Variants in SPACA6 observed in about 807,000 individuals in gnomAD.
SPACA6 encodes the protein sperm acrosome membrane-associated protein 6.
For synonymous variants in SPACA6, 6 were observed against 1.5 expected, an observed-to-expected ratio of 4.05 and a Z score of -2.21; for missense variants, 8 against 2.8, an observed-to-expected ratio of 2.88 and a Z score of -1.34.
In SPACA6 at chr19:51,703,389, C is replaced by T. The variant is rs2083485647; in HGVS notation, c.573+52C>T. ...GAGTTTAGACGGGCGAGTTAGCCTTCACTAGAGGTTGGGGAGTCAGCTTGC... is the reference window on the plus strand; with the variant it reads ...GAGTTTAGACGGGCGAGTTAGCCTTTACTAGAGGTTGGGGAGTCAGCTTGC... On this transcript the variant is annotated intron_variant, in intron 6 of 8. Coordinates refer to ENST00000637797, the MANE Select transcript of SPACA6 (RefSeq NM_001316972.2). This position sits in a 1 kb window ranked among gnomAD's most constrained non-coding sequence, Gnocchi z 4.2. 2 of 399,162 alleles carry T rather than the reference C, an allele frequency of 5.0e-6. No homozygotes were observed. Among genetic ancestry groups the T allele is most frequent in the East Asian group, 3.6e-5 (1 of 28,078 alleles). 24.7% of individuals were successfully genotyped at this position (399,162 alleles called of 1,614,324 possible). A position where few individuals can be genotyped will look rare whatever the true frequency, so the allele number is the denominator to read the frequency against.
At chr19:51,693,258 A>G, upstream of SPACA6, 1 of 708,462 alleles carries the variant, frequency 1.4e-6, no homozygotes, top group South Asian at 1.4e-5. Flanking sequence ...CCATGTTGCC[A>G]GTCTCTAGGT....
chr19:51,688,010 C>G (rs1468353387), upstream of SPACA6: 2 of 152,662 alleles, frequency 1.3e-5, no homozygotes, highest in Non-Finnish European at 2.9e-5. Flanking sequence ...AGCCTCCACC[C>G]GTCTCTCCCC....
chr19:51,702,183 C>T (rs2083473647), intron 3 of SPACA6, among the ~76,000 whole-genome samples: 1 of 152,108 alleles, frequency 6.6e-6, no homozygotes, highest in African/African-American at 2.4e-5. Flanking sequence ...TTGATCTGGC[C>T]CCGCCCCTTC....
downstream of SPACA6, among the ~76,000 whole-genome samples, chr19:51,705,863 A>G (rs973347178): frequency 6.6e-6 from 1 of 151,882 alleles, no homozygotes; most frequent in Non-Finnish European, 1.5e-5. Context: ...CACCCGGCTA[A>G]TTTTTGTATT....
downstream of SPACA6, among the ~76,000 whole-genome samples, chr19:51,708,449 G>C (rs1318066239): frequency 1.3e-5 from 2 of 152,206 alleles, no homozygotes; most frequent in Admixed American, 6.5e-5. Context: ...AGGATCTGTG[G>C]AGAAGCCCTC....
chr19:51,701,469 G>C (rs1217879593), intron 2 of SPACA6, among the ~76,000 whole-genome samples, 189 bp from the exon 3 acceptor site: 1 of 152,124 alleles, frequency 6.6e-6, no homozygotes, highest in East Asian at 1.9e-4. Flanking sequence ...CGGGTGATGA[G>C]AAGAGGAGCA....
chr19:51,707,454 C>G (rs1376135312), downstream of SPACA6, among the ~76,000 whole-genome samples: 2 of 152,002 alleles, frequency 1.3e-5, no homozygotes, highest in Non-Finnish European at 2.9e-5. Flanking sequence ...AACTCCTGAC[C>G]TCAAGTGATT....
Position 51,693,624 on chromosome 19 carries a change from C to G in SPACA6, c.98C>G (p.Thr33Ser). Residue 33 changes from threonine to serine, a missense_variant, in exon 1 of 9, where the codon ACC becomes AGC. Coordinates refer to ENST00000637797, the MANE Select transcript of SPACA6 (RefSeq NM_001316972.2). Reference sequence around the variant, plus strand: ...TGGGCCTGTCTCCTCTGCTTCACAACCTACTCTGAGCGCCTCCGCATCTGC... The same window carrying G: ...TGGGCCTGTCTCCTCTGCTTCACAAGCTACTCTGAGCGCCTCCGCATCTGC... ...PAWACLLCFTTYSERLRICQM... is the reference protein window; with the variant it reads ...PAWACLLCFTSYSERLRICQM... 1 of 426,262 alleles carries G rather than the reference C, an allele frequency of 2.3e-6. No individual in the cohort carries two copies. Among genetic ancestry groups the G allele is most frequent in the Non-Finnish European group, 4.2e-6 (1 of 238,358 alleles). The allele number at this position is 426,262 out of a possible 1,614,324, so 26.4% of individuals were successfully genotyped here.
At chr19:51,706,513 A>G (rs2083516429), downstream of SPACA6, among the ~76,000 whole-genome samples, 1 of 152,036 alleles carries the variant, frequency 6.6e-6, no homozygotes, top group Admixed American at 6.6e-5. Flanking sequence ...GCTGTGCTTC[A>G]TACTTGAAAT....
chr19:51,702,239 C>A (rs2083474095), intron 3 of SPACA6, among the ~76,000 whole-genome samples: 1 of 151,822 alleles, frequency 6.6e-6, no homozygotes, highest in Admixed American at 6.6e-5. Context: ...GGGACTACTA[C>A]TAACCTGGCC....
chr19:51,703,363 AGAGTTTAGACGGGC>A lies in SPACA6; in HGVS notation c.573+32_573+45del, dbSNP rs1002102567. ...GTGAGTCGGGGCGGGGCCGGCGCGA[AGAGTTTAGACGGGC>A]GAGTTAGCCTTCACTAGAGGTTGGG... On this transcript the variant is annotated intron_variant, in intron 6 of 8. Transcript: ENST00000637797. The surrounding 1 kb of genome is among the most constrained non-coding windows in gnomAD (Gnocchi z 4.2). The A allele has an allele frequency of 8.3e-5, 33 of 398,950 alleles. No homozygotes were observed. The highest frequency in any genetic ancestry group is 8.4e-5 in the Non-Finnish European group (19 of 226,004). The allele number at this position is 398,950 out of a possible 1,614,324, so 24.7% of individuals were successfully genotyped here. A position where few individuals can be genotyped will look rare whatever the true frequency, so the allele number is the denominator to read the frequency against.
upstream of SPACA6, chr19:51,692,745 C>CCTGT (rs541818120): frequency 7.2e-4 from 384 of 534,326 alleles, 3 homozygotes; most frequent in South Asian, 4.3e-3. The surrounding 1 kb of genome is among the most constrained non-coding windows in gnomAD (Gnocchi z 5.6). Context: ...CCTCCTGGTC[C>CCTGT]CTGTCTGTCT....
upstream of SPACA6, chr19:51,692,639 G>A (rs768225961): frequency 1.9e-6 from 1 of 531,468 alleles, no homozygotes; most frequent in East Asian, 5.5e-5. The surrounding 1 kb of genome is among the most constrained non-coding windows in gnomAD (Gnocchi z 5.6). Context: ...CCGACCTTGC[G>A]GGGCCTTCGC....
upstream of SPACA6, chr19:51,693,234 C>T (rs755957434): frequency 2.3e-5 from 15 of 651,942 alleles, no homozygotes; most frequent in Non-Finnish European, 3.6e-5. Flanking sequence ...CAGGGTCTAC[C>T]GGGCCACCGC....
At chr19:51,684,718 T>A (rs541496103), upstream of SPACA6, among the ~76,000 whole-genome samples, 2 of 152,104 alleles carry the variant, frequency 1.3e-5, no homozygotes, top group African/African-American at 4.8e-5. Flanking sequence ...CTTAAAAAAA[T>A]TTGCAAAAAA....
At chr19:51,691,219 G>A (rs550303624), upstream of SPACA6, among the ~76,000 whole-genome samples, 350 of 151,852 alleles carry the variant, frequency 2.3e-3, 1 homozygote, top group African/African-American at 7.8e-3. Flanking sequence ...AGAGAGAAGG[G>A]AGGGAGACCC....
Position 51,693,397 on chromosome 19 carries a change from T to C in SPACA6, c.-130T>C. 1 of 675,398 alleles carries C rather than the reference T, an allele frequency of 1.5e-6. No individual in the cohort carries two copies. Among genetic ancestry groups the C allele is most frequent in the Non-Finnish European group, 2.8e-6 (1 of 353,124 alleles). The allele number at this position is 675,398 out of a possible 1,614,324, so 41.8% of individuals were successfully genotyped here. Reference sequence around the variant, plus strand: ...TTCTGACCCCTGACTCCTCATACCCTTCCTCCAGAGCATGACATTTGACCA... The same window carrying C: ...TTCTGACCCCTGACTCCTCATACCCCTCCTCCAGAGCATGACATTTGACCA... On this transcript the variant is annotated 5_prime_UTR_variant, in exon 1 of 9. Coordinates refer to ENST00000637797, the MANE Select transcript of SPACA6 (RefSeq NM_001316972.2).
At chr19:51,691,547 A>G (rs1406167453), upstream of SPACA6, among the ~76,000 whole-genome samples, 1 of 151,550 alleles carries the variant, frequency 6.6e-6, no homozygotes, top group Non-Finnish European at 1.5e-5. Flanking sequence ...AGAAAACAGA[A>G]GCGGGGAGAG....
chr19:51,694,489 A>C lies in SPACA6; in HGVS notation c.226A>C (p.Arg76=). ...LSDTEINYDE[R]SHLHDTFTQM... Reference sequence around the variant, plus strand: ...TCCCTCACCGCCAGACTATGATGAGAGAAGCCACCTGCATGACACCTTCAC... The same window carrying C: ...TCCCTCACCGCCAGACTATGATGAGCGAAGCCACCTGCATGACACCTTCAC... Residue 76 remains arginine (R), a synonymous_variant, in exon 2 of 9, where the codon AGA becomes CGA. Transcript: ENST00000637797. The C allele has an allele frequency of 2.5e-6, 1 of 399,776 alleles. No individual in the cohort carries two copies. The allele number at this position is 399,776 out of a possible 1,614,324, so 24.8% of individuals were successfully genotyped here.
Sources: allele counts gnomAD v4.1 joint callset (sites outside exome capture counted in the v4.1 genomes callset), GRCh38; gene constraint gnomAD v4.1.1; non-coding constraint Gnocchi (gnomAD v3.1); transcripts MANE v1.5; gene names NCBI Gene and HGNC (gene_info 2026-07-23, HGNC 2026-07-21).